The following MSH3 variants were observed in gnomAD, a reference collection of about 807,000 sequenced individuals.
MSH3 encodes DNA mismatch repair protein Msh3.
A neutral mutation model predicts 123.3 loss-of-function variants in MSH3; 106 were observed. The observed-to-expected ratio is 0.86, with a 90% CI of 0.73 to 1.01. The LOEUF (loss-of-function observed/expected upper bound fraction) is 1.01, where lower values mean the gene tolerates loss of function less well. MSH3 is among the 50% of genes least tolerant of loss of function. MSH3 has a pLI of 0.00. For synonymous variants in MSH3, 515 were observed against 481.4 expected, an observed-to-expected ratio of 1.07 and a Z score of -0.91; for missense variants, 1,459 against 1,347.6, an observed-to-expected ratio of 1.08 and a Z score of -1.29.
At position 80,732,427 on chromosome 5, in the gene MSH3, A is replaced by G. The variant is rs181047746; in HGVS notation, c.1568+3462A>G. 9.1e-4 allele frequency among the ~76,000 whole-genome samples: 138 copies of G among 152,276 alleles called. No individual in the cohort carries two copies. In the Middle Eastern group the frequency reaches 0.014, roughly 15 times the overall value. Reference sequence around the variant, plus strand: ...ATGATAACATGTGGTGATTACCTTTACTTACTAGTGAAAGAAATAGCTTAA... The same window carrying G: ...ATGATAACATGTGGTGATTACCTTTGCTTACTAGTGAAAGAAATAGCTTAA... On this transcript the variant is annotated intron_variant, in intron 10 of 23. Transcript: ENST00000265081.
In MSH3 at chr5:80,810,733, A is replaced by G. The variant is rs1172892921; in HGVS notation, c.2656-2851A>G. ...GAGTCATCCAGTTCATGAACATGGTATATTCCTTCATTTAATTAGGTCTTC... is the reference window on the plus strand; with the variant it reads ...GAGTCATCCAGTTCATGAACATGGTGTATTCCTTCATTTAATTAGGTCTTC... On this transcript the variant is annotated intron_variant, in intron 19 of 23. Coordinates refer to ENST00000265081, the MANE Select transcript of MSH3 (RefSeq NM_002439.5). Among the ~76,000 whole-genome samples, 5 of 152,126 alleles carry G rather than the reference A, an allele frequency of 3.3e-5. No homozygotes were observed. The South Asian group carries it at 8.3e-4, about 25-fold the overall frequency.
chr5:80,772,804 A>C (rs1744234313), intron 15 of MSH3, among the ~76,000 whole-genome samples: 1 of 152,216 alleles, frequency 6.6e-6, no homozygotes, highest in Admixed American at 6.5e-5. Flanking sequence ...AAAAGCTAGC[A>C]GAAGACAACT....
At chr5:80,850,138 T>C (rs190426485) in intron 20 of MSH3, among the ~76,000 whole-genome samples, 48 of 152,332 alleles carry the variant, frequency 3.2e-4, no homozygotes, top group African/African-American at 1.0e-3. Flanking sequence ...TCACCTTTGC[T>C]CCAGTTTCCA....
At chr5:80,700,386 G>C (rs1172396277) in intron 8 of MSH3, among the ~76,000 whole-genome samples, 1 of 152,168 alleles carries the variant, frequency 6.6e-6, no homozygotes, top group African/African-American at 2.4e-5. Context: ...TCTGGTAGTA[G>C]AGATGGTAGT....
chr5:80,764,435 G>T (rs1390960143), intron 13 of MSH3, among the ~76,000 whole-genome samples: 1 of 151,704 alleles, frequency 6.6e-6, no homozygotes, highest in Non-Finnish European at 1.5e-5. Context: ...GAATGCAGTG[G>T]TGCGACCACA....
chr5:80,767,044 G>A (rs1744135453), intron 13 of MSH3, among the ~76,000 whole-genome samples: 1 of 152,090 alleles, frequency 6.6e-6, no homozygotes. Flanking sequence ...AAATTATGGA[G>A]TTCTATACTG....
In MSH3 at chr5:80,778,977, TTTC is replaced by T. The variant is rs2112008211; in HGVS notation, c.2435+144_2435+146del. 6.9e-6 allele frequency: 4 copies of T among 575,950 alleles called. No individual in the cohort carries two copies. The East Asian group carries it at 8.8e-5, about 13-fold the overall frequency. The allele number at this position is 575,950 out of a possible 1,614,324, so 35.7% of individuals were successfully genotyped here. The stretch of plus-strand genomic sequence containing the variant: ...TGAGTACATGTGTTCTCTGATTTTA[TTTC>T]TTTTTTTTTTTTTTTACTTTTTTTT... On this transcript the variant is annotated intron_variant, in intron 17 of 23. Coordinates refer to ENST00000265081, the MANE Select transcript of MSH3 (RefSeq NM_002439.5).
intron 2 of MSH3, among the ~76,000 whole-genome samples, chr5:80,661,219 T>C (rs73132417): frequency 0.22 from 34,119 of 152,122 alleles, 4,001 homozygotes; most frequent in Non-Finnish European, 0.27. Flanking sequence ...TTTTTGGTTG[T>C]TATTGTTTCA....
intron 20 of MSH3, among the ~76,000 whole-genome samples, chr5:80,826,359 A>G (rs2112072503): frequency 6.6e-6 from 1 of 152,320 alleles, no homozygotes; most frequent in Non-Finnish European, 1.5e-5. Flanking sequence ...TAGCAGAATG[A>G]GATATTTGCA....
chr5:80,779,279 C>T (rs1022238846), intron 17 of MSH3, among the ~76,000 whole-genome samples: 4 of 152,150 alleles, frequency 2.6e-5, no homozygotes, highest in Middle Eastern at 3.2e-3. Flanking sequence ...AGGCTTGAAC[C>T]ACTGCACCCA....
In MSH3 at chr5:80,790,113, A is replaced by T. The variant is rs1461217585; in HGVS notation, c.2543+2441A>T. 2.6e-5 allele frequency among the ~76,000 whole-genome samples: 4 copies of T among 152,182 alleles called. No individual in the cohort carries two copies. In the East Asian group the frequency reaches 7.7e-4, roughly 29 times the overall value. On this transcript the variant is annotated intron_variant, in intron 18 of 23. Coordinates refer to ENST00000265081, the MANE Select transcript of MSH3 (RefSeq NM_002439.5). ...GCATACTCTGTGACTTAGGAATCCC[A>T]CTTTAAAAATTTACTCTAGCTTTGG...
chr5:80,697,193 T>C (rs1354776351), intron 8 of MSH3, among the ~76,000 whole-genome samples: 2 of 152,164 alleles, frequency 1.3e-5, no homozygotes, highest in African/African-American at 4.8e-5. Flanking sequence ...TAAAAGTATT[T>C]GAAGGAACCT....
At position 80,812,032 on chromosome 5, in the gene MSH3, CTCTT is replaced by C. The variant is rs1745018029; in HGVS notation, c.2656-1548_2656-1545del. On this transcript the variant is annotated intron_variant, in intron 19 of 23. Coordinates refer to ENST00000265081, the MANE Select transcript of MSH3 (RefSeq NM_002439.5). ...CTTTCCAGGTTCTTATTGTGTTAAG[CTCTT>C]TCTGTCACAAGAAACACAGGTATAC... Among the ~76,000 whole-genome samples the C allele has an allele frequency of 2.0e-5, 3 of 147,792 alleles. No individual in the cohort carries two copies. In the South Asian group the frequency reaches 6.4e-4, roughly 32 times the overall value.
chr5:80,765,247 AATC>A (rs1308797269), intron 13 of MSH3, among the ~76,000 whole-genome samples: 3 of 152,236 alleles, frequency 2.0e-5, no homozygotes. Flanking sequence ...GGATTACAAT[AATC>A]ATAAGAGGTT....
intron 20 of MSH3, among the ~76,000 whole-genome samples, chr5:80,818,436 G>A (rs1182167243): frequency 6.9e-6 from 1 of 145,012 alleles, no homozygotes. Context: ...GGGGGAGAGA[G>A]GGAAGAGAAC....
intron 8 of MSH3, among the ~76,000 whole-genome samples, chr5:80,703,073 C>T (rs1750646839): frequency 6.6e-6 from 1 of 152,152 alleles, no homozygotes; most frequent in African/African-American, 2.4e-5. Flanking sequence ...TACATTCTGC[C>T]ATTACTGAAA....
chr5:80,778,553 T>C (rs536597114), intron 16 of MSH3, among the ~76,000 whole-genome samples, 167 bp from the exon 17 acceptor site: 2 of 152,384 alleles, frequency 1.3e-5, no homozygotes, highest in African/African-American at 4.8e-5. Context: ...TCATATTCTT[T>C]GGAATCAGTA....
chr5:80,664,776 C>G (rs1468910576), intron 2 of MSH3, among the ~76,000 whole-genome samples: 3 of 152,006 alleles, frequency 2.0e-5, no homozygotes, highest in Non-Finnish European at 4.4e-5. Context: ...ATTTAGCTCT[C>G]AGGTGTGCTG....
At chr5:80,761,498 T>G in intron 12 of MSH3, 48 bp from the exon 13 acceptor site, 1 of 1,610,000 alleles carries the variant, frequency 6.2e-7, no homozygotes, top group Non-Finnish European at 8.5e-7. Context: ...ATGTCTATAT[T>G]CTGAATTCCT....
Sources: gnomAD v4.1 joint callset for allele counts (sites outside exome capture counted in the v4.1 genomes callset) on GRCh38, gnomAD v4.1.1 for gene constraint, MANE v1.5 for transcripts, NCBI Gene and HGNC (gene_info 2026-07-23, HGNC 2026-07-21) for gene names.